TNR: variants seen among roughly 807,000 people sequenced by gnomAD.
TNR encodes the protein tenascin R, also known as tenascin-R.
A neutral mutation model predicts 150.4 loss-of-function variants in TNR; 45 were observed. The observed-to-expected ratio is 0.30, with a 90% confidence interval of 0.24 to 0.38. The LOEUF is 0.38. Ranked by LOEUF, TNR falls within the 10% of genes least tolerant of loss-of-function variation. The probability of loss-of-function intolerance (pLI) is 1.00; values close to 1 mark genes in which losing one functional copy is unlikely to be tolerated. For synonymous variants in TNR, 687 were observed against 678.4 expected (o/e 1.01, Z -0.20); for missense variants, 1,544 against 1,759.1 (o/e 0.88, Z 2.19).
Position 175,454,170 on chromosome 1 carries a change from C to A in TNR, c.-63-47393G>T, listed in dbSNP as rs185581619. On this transcript the variant is annotated intron_variant, in intron 2 of 22. Coordinates refer to ENST00000367674, the MANE Select transcript of TNR (RefSeq NM_003285.3). ...GGGTTTTAGTAGACAGAGCTCTATC[C>A]AAAACATCTCCCATGCTCCTAAATG... Among the ~76,000 whole-genome samples, 531 of 152,244 alleles carry A rather than the reference C, an allele frequency of 3.5e-3. 4 individuals are homozygous for A. The highest frequency in any genetic ancestry group is 0.012 in the African/African-American group (516 of 41,528).
At position 175,326,308 on chromosome 1, in the gene TNR, A is replaced by C. The variant is rs111462652; in HGVS notation, c.3794-1789T>G. On this transcript the variant is annotated intron_variant, in intron 21 of 22. Coordinates refer to ENST00000367674, the MANE Select transcript of TNR (RefSeq NM_003285.3). ...GGGGGCTCATGCTACTTATTGAATG[A>C]AAGAGGTCTTGGGTGCTTTTGAGCT... is the stretch of plus-strand genomic sequence containing the variant. Among the ~76,000 whole-genome samples the C allele has an allele frequency of 4.4e-3, 674 of 152,278 alleles. 9 individuals are homozygous for C. Among genetic ancestry groups the C allele is most frequent in the African/African-American group, 0.016 (659 of 41,552 alleles).
At chr1:175,331,113 CTTTTCTTTCTT>C (rs1649856338) in intron 20 of TNR, among the ~76,000 whole-genome samples, 1 of 68,890 alleles carries the variant, frequency 1.5e-5, no homozygotes, top group African/African-American at 4.9e-5. Context: ...CTCTCTCTTT[CTTTTCTTTCTT>C]TCTTTCTTTT....
intron 20 of TNR, among the ~76,000 whole-genome samples, chr1:175,335,051 T>G (rs1571306849): frequency 6.6e-6 from 1 of 152,236 alleles, no homozygotes; most frequent in South Asian, 2.1e-4. Flanking sequence ...CTTGATAATC[T>G]TTTCCTCTAC....
chr1:175,501,814 A>G (rs1557972551), intron 2 of TNR, among the ~76,000 whole-genome samples: 1 of 152,086 alleles, frequency 6.6e-6, no homozygotes, highest in Non-Finnish European at 1.5e-5. Flanking sequence ...ATGTATTCAT[A>G]TTTTCAATCA....
chr1:175,584,712 G>C (rs549286437), intron 1 of TNR, among the ~76,000 whole-genome samples: 1 of 152,214 alleles, frequency 6.6e-6, no homozygotes, highest in Admixed American at 6.5e-5. Flanking sequence ...ACCTTGGTTG[G>C]TACCAACATT....
chr1:175,594,857 T>C (rs1235600538), intron 1 of TNR, among the ~76,000 whole-genome samples: 3 of 103,034 alleles, frequency 2.9e-5, no homozygotes, highest in Admixed American at 2.1e-4. Context: ...ACCTTGTTTC[T>C]AAAAAAAAAA....
chr1:175,354,279 C>T, intron 18 of TNR, 112 bp downstream of exon 18: 2 of 1,398,028 alleles, frequency 1.4e-6, no homozygotes, highest in South Asian at 1.4e-5. Flanking sequence ...AAGGAGGAGG[C>T]AACTGAGCTT....
At chr1:175,417,353 A>G (rs1654543880) in intron 2 of TNR, among the ~76,000 whole-genome samples, 1 of 152,016 alleles carries the variant, frequency 6.6e-6, no homozygotes, top group Non-Finnish European at 1.5e-5. Flanking sequence ...GGGGGCGGCA[A>G]AGGGTATAGA....
intron 1 of TNR, among the ~76,000 whole-genome samples, chr1:175,732,509 AG>A (rs1313293227): frequency 6.6e-6 from 1 of 152,226 alleles, no homozygotes; most frequent in Non-Finnish European, 1.5e-5. Flanking sequence ...TCCCCAAGGA[AG>A]GGGGTAGGAC....
chr1:175,334,843 C>T (rs1650148645), intron 20 of TNR, among the ~76,000 whole-genome samples: 1 of 152,152 alleles, frequency 6.6e-6, no homozygotes, highest in African/African-American at 2.4e-5. Context: ...TTCTTTATTG[C>T]AATAATGCTG....
In TNR at chr1:175,355,551, C is replaced by A. The variant is rs753307143; in HGVS notation, c.3201G>T (p.Glu1067Asp). 2 of 1,613,986 alleles carry A rather than the reference C, an allele frequency of 1.2e-6. No homozygotes were observed. The highest frequency in any genetic ancestry group is 1.7e-6 in the Non-Finnish European group (2 of 1,179,952). Residue 1067 changes from glutamate to aspartate, a missense_variant, in exon 17 of 23, where the codon GAG (glutamate) becomes GAT (aspartate). Physicochemically the swap from Glu to Asp is conservative, Grantham distance 45 (BLOSUM62 2). This residue lies in a region of TNR where 290 missense variants were observed against 429.7 expected (regional missense o/e 0.67). Transcript: ENST00000367674. ...TGTAGGTCAAGACATAATTTTCAAT[C>A]TCTGCCCTGGGAGGCTGCCAGGAGA... is the stretch of plus-strand genomic sequence containing the variant. ...ALISWQPPRA[E>D]IENYVLTYKS...
At chr1:175,517,030 A>C (rs2102165230) in intron 2 of TNR, among the ~76,000 whole-genome samples, 1 of 147,044 alleles carries the variant, frequency 6.8e-6, no homozygotes, top group Non-Finnish European at 1.5e-5. Context: ...AGAGAGAGAG[A>C]GAGAGAGAGA....
intron 1 of TNR, among the ~76,000 whole-genome samples, chr1:175,670,340 A>G (rs1665660347): frequency 1.3e-5 from 2 of 152,202 alleles, no homozygotes; most frequent in Non-Finnish European, 2.9e-5. Flanking sequence ...GTCTGGTGGG[A>G]AGAACCTGTT....
chr1:175,387,714 C>G (rs1652999231), intron 7 of TNR, among the ~76,000 whole-genome samples: 1 of 152,224 alleles, frequency 6.6e-6, no homozygotes, highest in African/African-American at 2.4e-5. Context: ...ACTGGAGAGC[C>G]TTGGCTAAGA....
chr1:175,655,030 C>G (rs981447633), intron 1 of TNR, among the ~76,000 whole-genome samples: 1 of 152,090 alleles, frequency 6.6e-6, no homozygotes, highest in Non-Finnish European at 1.5e-5. Context: ...CCCAAAAGGT[C>G]CCTTCTATCA....
At chr1:175,398,531 G>A (rs757056745) in intron 4 of TNR, among the ~76,000 whole-genome samples, 14 of 152,128 alleles carry the variant, frequency 9.2e-5, no homozygotes, top group Non-Finnish European at 1.8e-4. Flanking sequence ...ATGAGAAGAA[G>A]AGTTGATATT....
chr1:175,418,966 G>A (rs1654632475), intron 2 of TNR, among the ~76,000 whole-genome samples: 1 of 152,172 alleles, frequency 6.6e-6, no homozygotes, highest in Non-Finnish European at 1.5e-5. Flanking sequence ...GATGTCTGCA[G>A]TTGCAATTGG....
chr1:175,674,927 G>T (rs550495378), intron 1 of TNR, among the ~76,000 whole-genome samples: 1 of 152,216 alleles, frequency 6.6e-6, no homozygotes, highest in East Asian at 1.9e-4. Context: ...AGCTAATTAA[G>T]AATGTGACTA....
At chr1:175,666,285 C>T (rs1391686897) in intron 1 of TNR, among the ~76,000 whole-genome samples, 1 of 152,126 alleles carries the variant, frequency 6.6e-6, no homozygotes, top group East Asian at 1.9e-4. Context: ...GGCCAATAGT[C>T]CAAGGGTGTT....
Sources: gnomAD v4.1 joint callset for allele counts (sites outside exome capture counted in the v4.1 genomes callset) on GRCh38, gnomAD v4.1.1 for gene constraint, gnomAD v4.1.1 regional missense constraint, MANE v1.5 for transcripts, NCBI Gene and HGNC (gene_info 2026-07-23, HGNC 2026-07-21) for gene names.